AKAP13: variants seen among roughly 807,000 people sequenced by gnomAD.
AKAP13 encodes A-kinase anchor protein 13.
In AKAP13, 80 loss-of-function variants were observed where a neutral mutation model predicts 264.5. The observed-to-expected ratio is 0.30, with a 90% confidence interval of 0.25 to 0.36. The LOEUF (loss-of-function observed/expected upper bound fraction) is 0.36, where lower values mean the gene tolerates loss of function less well. AKAP13 is among the 10% of genes least tolerant of loss of function. The pLI is 1.00. For synonymous variants in AKAP13, 1,380 were observed against 1,250.2 expected, an observed-to-expected ratio of 1.10 and a Z score of -2.19; for missense variants, 3,712 against 3,435.2, an observed-to-expected ratio of 1.08 and a Z score of -2.01.
At chr15:85,744,304 T>C (rs562191186) in intron 36 of AKAP13, 20 of 342,708 alleles carry the variant, frequency 5.8e-5, no homozygotes, top group Non-Finnish European at 1.0e-4. Context: ...TCCCTGTTCA[T>C]GTACCACTTT....
At chr15:85,409,784 C>A (rs2071866658) in intron 1 of AKAP13, among the ~76,000 whole-genome samples, 1 of 151,396 alleles carries the variant, frequency 6.6e-6, no homozygotes, top group South Asian at 2.1e-4. Flanking sequence ...GCGCCCACCA[C>A]CACACCCTGC....
chr15:85,509,598 GA>G (rs1202675501), intron 2 of AKAP13, among the ~76,000 whole-genome samples: 1 of 152,116 alleles, frequency 6.6e-6, no homozygotes, highest in African/African-American at 2.4e-5. Flanking sequence ...CGTGCCTTAT[GA>G]ATTTGTCTTT....
rs2151307523 is a variant in AKAP13, at chr15:85,581,515, C to T, written c.3447C>T (p.Thr1149=). The T allele has an allele frequency of 6.2e-7, 1 of 1,614,134 alleles. No individual in the cohort carries two copies. Among genetic ancestry groups the T allele is most frequent in the South Asian group, 1.1e-5 (1 of 91,076 alleles). ...TGACTGACCCACAGGGAGTTGGAAC[C>T]CCAGAGATGATACCTCTTGATTGGG... ...KAVTDPQGVG[T]PEMIPLDWEK... The change falls in exon 7 of 37, where the codon ACC becomes ACT. Residue 1149 remains threonine (T), a synonymous_variant. Coordinates refer to ENST00000394518, the MANE Select transcript of AKAP13 (RefSeq NM_007200.5).
At chr15:85,415,257 T>TGG (rs2072188371) in intron 1 of AKAP13, 1 of 1,571,036 alleles carries the variant, frequency 6.4e-7, no homozygotes, top group Non-Finnish European at 8.7e-7. Flanking sequence ...GGAAGGAAGA[T>TGG]GGCGCCTGGT....
chr15:85,609,557 C>G (rs1263123464), intron 8 of AKAP13, among the ~76,000 whole-genome samples: 1 of 152,184 alleles, frequency 6.6e-6, no homozygotes, highest in Non-Finnish European at 1.5e-5. Flanking sequence ...TTGGCTATTG[C>G]AAACAGTATA....
intron 8 of AKAP13, among the ~76,000 whole-genome samples, chr15:85,586,256 T>C (rs1440001510): frequency 6.6e-6 from 1 of 151,932 alleles, no homozygotes. Flanking sequence ...AGTGGTGTGA[T>C]TTCAGCTCAC....
At chr15:85,563,764 A>T (rs912905120) in intron 5 of AKAP13, among the ~76,000 whole-genome samples, 3 of 152,210 alleles carry the variant, frequency 2.0e-5, no homozygotes, top group Admixed American at 6.5e-5. Flanking sequence ...TTGACTGCCT[A>T]CTGTGTGCCA....
At chr15:85,492,384 A>C (rs915424154) in intron 2 of AKAP13, among the ~76,000 whole-genome samples, 5 of 152,220 alleles carry the variant, frequency 3.3e-5, no homozygotes, top group African/African-American at 9.6e-5. Context: ...CCCATCTCAA[A>C]AAACAAAACA....
At chr15:85,532,380 A>G (rs2077268610) in intron 3 of AKAP13, among the ~76,000 whole-genome samples, 1 of 152,230 alleles carries the variant, frequency 6.6e-6, no homozygotes, top group South Asian at 2.1e-4. Flanking sequence ...TGGTATGGAA[A>G]TTCAGTCGCA....
intron 2 of AKAP13, among the ~76,000 whole-genome samples, chr15:85,491,259 CATT>C (rs1271418608): frequency 3.9e-5 from 6 of 151,940 alleles, no homozygotes; most frequent in Non-Finnish European, 8.8e-5. Context: ...ACTCAGAAAA[CATT>C]AGAGCTCCTT....
intron 2 of AKAP13, among the ~76,000 whole-genome samples, chr15:85,508,341 C>A (rs1370280021): frequency 6.6e-6 from 1 of 151,966 alleles, no homozygotes; most frequent in Admixed American, 6.6e-5. Context: ...TGGGGTTTTG[C>A]TGTGTTGCCC....
chr15:85,389,110 G>A (rs2070731212), intron 1 of AKAP13, among the ~76,000 whole-genome samples: 1 of 152,100 alleles, frequency 6.6e-6, no homozygotes, highest in African/African-American at 2.4e-5. Flanking sequence ...ACAGTTCCTG[G>A]GTGATTCTTT....
intron 8 of AKAP13, among the ~76,000 whole-genome samples, chr15:85,604,369 T>G (rs1280169032): frequency 6.6e-6 from 1 of 152,094 alleles, no homozygotes; most frequent in Non-Finnish European, 1.5e-5. Context: ...TATTTAGGAC[T>G]GAACCAAGAG....
intron 1 of AKAP13, among the ~76,000 whole-genome samples, chr15:85,427,019 C>T (rs1334688152): frequency 1.3e-5 from 2 of 149,182 alleles, no homozygotes; most frequent in Non-Finnish European, 3.0e-5. Context: ...GCAGTGGCGC[C>T]ATCTCGGCTC....
At chr15:85,665,737 T>C (rs1394667872) in intron 13 of AKAP13, among the ~76,000 whole-genome samples, 1 of 152,134 alleles carries the variant, frequency 6.6e-6, no homozygotes, top group Non-Finnish European at 1.5e-5. Flanking sequence ...GTCCAAGTGT[T>C]CTCATTGTTC....
chr15:85,563,604 C>A (rs2078495014), intron 5 of AKAP13, among the ~76,000 whole-genome samples: 1 of 152,144 alleles, frequency 6.6e-6, no homozygotes, highest in African/African-American at 2.4e-5. Flanking sequence ...GTGGGCACCG[C>A]ATGAACTGTT....
At chr15:85,514,530 C>T (rs1419662353) in intron 2 of AKAP13, among the ~76,000 whole-genome samples, 2 of 137,452 alleles carry the variant, frequency 1.5e-5, no homozygotes, top group South Asian at 2.2e-4. Flanking sequence ...TGAAGGGACT[C>T]GGTTCTTTTT....
At chr15:85,657,710 C>CTTTTTT (rs11332236) in intron 11 of AKAP13, among the ~76,000 whole-genome samples, 2 of 127,552 alleles carry the variant, frequency 1.6e-5, no homozygotes, top group Non-Finnish European at 3.4e-5. Context: ...GTGGTGTACT[C>CTTTTTT]TTTTTTTTTT....
intron 14 of AKAP13, among the ~76,000 whole-genome samples, chr15:85,677,522 A>G (rs1397578572): frequency 1.3e-5 from 2 of 152,120 alleles, no homozygotes; most frequent in Admixed American, 6.5e-5. Context: ...GTGGTGTTTA[A>G]AAGCTATTGT....
Sources: allele counts gnomAD v4.1 joint callset (sites outside exome capture counted in the v4.1 genomes callset), GRCh38; gene constraint gnomAD v4.1.1; transcripts MANE v1.5; gene names NCBI Gene and HGNC (gene_info 2026-07-23, HGNC 2026-07-21).